Variants in GPHN observed in about 807,000 individuals in gnomAD.
GPHN encodes gephyrin.
GPHN carries 17 observed loss-of-function variants against 95.5 expected under a neutral mutation model. The observed-to-expected ratio is 0.18, with a 90% CI of 0.12 to 0.27. The LOEUF (loss-of-function observed/expected upper bound fraction) is 0.27, where lower values mean the gene tolerates loss of function less well. Ranked by LOEUF, GPHN falls within the 10% of genes least tolerant of loss-of-function variation. GPHN has a pLI of 1.00. For missense variants in GPHN, 660 were observed against 978.1 expected (o/e 0.67, Z 4.34); for synonymous variants, 320 against 322.5 (o/e 0.99, Z 0.08).
chr14:67,639,761 A>G, the GPHN span, among the ~76,000 whole-genome samples: 2 of 152,100 alleles, frequency 1.3e-5, no homozygotes, highest in East Asian at 3.9e-4. Flanking sequence ...TCTCTACTAA[A>G]AATACAAAAA....
the GPHN span, among the ~76,000 whole-genome samples, chr14:67,212,589 G>GAAAAA: frequency 8.0e-5 from 8 of 100,350 alleles, no homozygotes; most frequent in African/African-American, 1.8e-4. Flanking sequence ...AGACCCTGTT[G>GAAAAA]AAAAAAAAAA....
chr14:66,569,337 C>G (rs1244101738), intron 1 of GPHN, among the ~76,000 whole-genome samples: 1 of 151,816 alleles, frequency 6.6e-6, no homozygotes, highest in Non-Finnish European at 1.5e-5. Context: ...TAACAGATAC[C>G]CTTCCTCTTT....
intron 3 of GPHN, among the ~76,000 whole-genome samples, chr14:66,805,329 T>C (rs1340309717): frequency 6.6e-6 from 1 of 152,148 alleles, no homozygotes; most frequent in African/African-American, 2.4e-5. Context: ...CATGGGGGAA[T>C]TCAAGATGAA....
chr14:67,029,477 A>G (rs1206349398), intron 10 of GPHN, among the ~76,000 whole-genome samples: 1 of 152,030 alleles, frequency 6.6e-6, no homozygotes, highest in Non-Finnish European at 1.5e-5. Context: ...AGCTGGGATT[A>G]CAGGCATGCG....
intron 1 of GPHN, among the ~76,000 whole-genome samples, chr14:66,597,189 G>T (rs2062020096): frequency 6.6e-6 from 1 of 152,194 alleles, no homozygotes; most frequent in Non-Finnish European, 1.5e-5. Context: ...AAGGCGAGAA[G>T]AGACAAACCG....
chr14:67,578,715 G>C, the GPHN span: 1 of 886,064 alleles, frequency 1.1e-6, no homozygotes. The surrounding 1 kb of genome is among the most constrained non-coding windows in gnomAD (Gnocchi z 5.0). Flanking sequence ...GTCTAGGGCA[G>C]ACCAGATCAC....
intron 16 of GPHN, among the ~76,000 whole-genome samples, chr14:67,119,494 A>G (rs901941413): frequency 1.3e-5 from 2 of 152,194 alleles, no homozygotes; most frequent in Non-Finnish European, 1.5e-5. Flanking sequence ...GGGGAAAACA[A>G]AGTTAAATGT....
At chr14:67,073,903 G>T (rs2076400988) in intron 11 of GPHN, among the ~76,000 whole-genome samples, 1 of 152,148 alleles carries the variant, frequency 6.6e-6, no homozygotes, top group Non-Finnish European at 1.5e-5. Context: ...CTAGATTAAT[G>T]AATGTACTGG....
intron 5 of GPHN, among the ~76,000 whole-genome samples, chr14:66,891,970 A>G (rs1385044821): frequency 1.3e-5 from 2 of 152,116 alleles, no homozygotes; most frequent in African/African-American, 4.8e-5. Flanking sequence ...AAAAAATAAT[A>G]ATAAATAAGT....
the GPHN span, chr14:67,321,268 A>G: frequency 1.2e-6 from 2 of 1,613,594 alleles, no homozygotes; most frequent in South Asian, 1.1e-5. Flanking sequence ...AGGTAAAGCT[A>G]GAACTTTGTT....
chr14:67,554,316 C>T, the GPHN span, among the ~76,000 whole-genome samples: 250 of 152,256 alleles, frequency 1.6e-3, 2 homozygotes, highest in African/African-American at 5.7e-3. Context: ...GATCAGTTCA[C>T]TGGTAAATAT....
At chr14:67,576,019 C>G in the GPHN span, 2 of 1,592,520 alleles carry the variant, frequency 1.3e-6, no homozygotes, top group Non-Finnish European at 1.7e-6. The surrounding 1 kb of genome is among the most constrained non-coding windows in gnomAD (Gnocchi z 4.0). Context: ...AGGAAGAGGG[C>G]TGGGCCTCCA....
the GPHN span, among the ~76,000 whole-genome samples, chr14:67,417,871 G>T: frequency 6.6e-6 from 1 of 152,082 alleles, no homozygotes; most frequent in Non-Finnish European, 1.5e-5. Flanking sequence ...AGATTCTCGA[G>T]TAGCTGGGAC....
At chr14:67,651,927 G>A in the GPHN span, among the ~76,000 whole-genome samples, 6 of 152,082 alleles carry the variant, frequency 3.9e-5, no homozygotes, top group African/African-American at 1.4e-4. Flanking sequence ...ACCCAAATGG[G>A]TATGTTATAA....
chr14:66,805,570 A>G (rs2060511662), intron 3 of GPHN, among the ~76,000 whole-genome samples: 1 of 152,218 alleles, frequency 6.6e-6, no homozygotes, highest in East Asian at 1.9e-4. Flanking sequence ...CCTAGGTACA[A>G]TGTGGGTACA....
chr14:67,404,141 G>T, the GPHN span, among the ~76,000 whole-genome samples: 1 of 152,104 alleles, frequency 6.6e-6, no homozygotes. Context: ...TGAAAAAAAT[G>T]AAAAATAATC....
the GPHN span, among the ~76,000 whole-genome samples, chr14:67,548,529 C>T: frequency 6.6e-6 from 1 of 152,158 alleles, no homozygotes; most frequent in Non-Finnish European, 1.5e-5. Flanking sequence ...GAAACCCCGT[C>T]TCTACTAAAA....
chr14:67,247,484 T>A, the GPHN span, among the ~76,000 whole-genome samples: 2 of 152,214 alleles, frequency 1.3e-5, no homozygotes, highest in African/African-American at 4.8e-5. Context: ...CTAGTCTGTA[T>A]GCCTTTTATT....
the GPHN span, among the ~76,000 whole-genome samples, chr14:67,445,574 A>ATTTTTTTTTTTTTTT: frequency 1.0e-5 from 1 of 98,680 alleles, no homozygotes; most frequent in Non-Finnish European, 2.0e-5. Context: ...AAGAGAGGCA[A>ATTTTTTTTTTTTTTT]TTCTTTTTTT....
Sources: gnomAD v4.1 joint callset for allele counts (sites outside exome capture counted in the v4.1 genomes callset) on GRCh38, gnomAD v4.1.1 for gene constraint, Gnocchi (gnomAD v3.1) non-coding constraint, MANE v1.5 for transcripts, NCBI Gene and HGNC (gene_info 2026-07-23, HGNC 2026-07-21) for gene names.